CNOT1: variants seen among roughly 807,000 people sequenced by gnomAD.
The protein encoded by CNOT1 is CCR4-NOT transcription complex subunit 1.
Under a neutral mutation model 273.8 loss-of-function variants are expected in CNOT1, and 15 were observed. The observed-to-expected ratio is 0.05, with a 90% confidence interval of 0.04 to 0.08. The LOEUF (loss-of-function observed/expected upper bound fraction) is 0.08, where lower values mean the gene tolerates loss of function less well. Ranked by LOEUF, CNOT1 falls within the 10% of genes least tolerant of loss-of-function variation. The pLI is 1.00. For missense variants in CNOT1, 1,644 were observed against 2,912.2 expected (o/e 0.56, Z 10.02); for synonymous variants, 1,022 against 1,005.5 (o/e 1.02, Z -0.31).
At chr16:58,593,035 T>C (rs1424736473) in intron 2 of CNOT1, among the ~76,000 whole-genome samples, 2 of 152,288 alleles carry the variant, frequency 1.3e-5, no homozygotes, top group South Asian at 2.1e-4. Context: ...GAATAAATAA[T>C]TGGGTCAATT....
At chr16:58,542,662 A>C (rs889949654) in intron 31 of CNOT1, 94 bp from the exon 32 acceptor site, 1 of 1,503,800 alleles carries the variant, frequency 6.6e-7, no homozygotes, top group Admixed American at 2.2e-5. Flanking sequence ...AATGCAGTGC[A>C]TTTGGCAAAT....
chr16:58,532,471 C>A, intron 40 of CNOT1, 76 bp from the exon 41 acceptor site: 1 of 1,549,292 alleles, frequency 6.5e-7, no homozygotes, highest in Non-Finnish European at 8.7e-7. Flanking sequence ...GCTTTTTAAA[C>A]TTTGCATTCT....
chr16:58,570,600 A>G (rs1056939077), intron 16 of CNOT1, among the ~76,000 whole-genome samples: 1 of 152,256 alleles, frequency 6.6e-6, no homozygotes, highest in African/African-American at 2.4e-5. Flanking sequence ...CGTGGGCAAC[A>G]GAATGAAACC....
intron 1 of CNOT1, among the ~76,000 whole-genome samples, chr16:58,611,386 G>A (rs538200054): frequency 7.2e-5 from 11 of 151,872 alleles, no homozygotes; most frequent in East Asian, 5.8e-4. Flanking sequence ...CCGAGACCAC[G>A]CCACTGTACT....
intron 1 of CNOT1, among the ~76,000 whole-genome samples, chr16:58,604,117 T>C (rs1224541584): frequency 2.0e-5 from 3 of 152,156 alleles, no homozygotes; most frequent in Admixed American, 6.6e-5. Flanking sequence ...TACATGAGAA[T>C]AGACAATAAG....
chr16:58,545,615 GATGT>G, intron 29 of CNOT1, 124 bp from the exon 30 acceptor site: 136 of 1,041,188 alleles, frequency 1.3e-4, no homozygotes, highest in Non-Finnish European at 1.5e-4. Flanking sequence ...AGGAGGGAAG[GATGT>G]AGCAGGTCCT....
At chr16:58,623,637 G>A (rs2043440997) in intron 1 of CNOT1, among the ~76,000 whole-genome samples, 1 of 152,136 alleles carries the variant, frequency 6.6e-6, no homozygotes, top group South Asian at 2.1e-4. Context: ...AAGCTCCGCG[G>A]CCCTTACTTC....
intron 2 of CNOT1, among the ~76,000 whole-genome samples, chr16:58,597,113 A>AT (rs2042290413): frequency 6.8e-6 from 1 of 147,186 alleles, no homozygotes; most frequent in African/African-American, 2.5e-5. Flanking sequence ...AAAAAAAAAA[A>AT]GGACTAAGTA....
At chr16:58,627,638 C>A (rs2043641615) in intron 1 of CNOT1, among the ~76,000 whole-genome samples, 1 of 151,448 alleles carries the variant, frequency 6.6e-6, no homozygotes, top group Non-Finnish European at 1.5e-5. Flanking sequence ...AGGATCTAAA[C>A]CCCGAAGAGA....
chr16:58,623,677 A>G lies in CNOT1; in HGVS notation c.-175+6051T>C, dbSNP rs142319994. Among the ~76,000 whole-genome samples the G allele has an allele frequency of 4.0e-3, 611 of 152,220 alleles. 7 individuals are homozygous for G. Among genetic ancestry groups the G allele is most frequent in the East Asian group, 0.012 (64 of 5,176 alleles). On this transcript the variant is annotated intron_variant, in intron 1 of 48. Coordinates refer to ENST00000317147, the MANE Select transcript of CNOT1 (RefSeq NM_016284.5). ...ACGCACCTCCTCATCCATATCCTTT[A>G]TAATAAACTCTTGAACCTAAGTGTT...
intron 4 of CNOT1, 134 bp from the exon 5 acceptor site, chr16:58,587,547 T>C: frequency 6.2e-6 from 8 of 1,293,612 alleles, no homozygotes; most frequent in Non-Finnish European, 8.4e-6. Context: ...AACATTACAC[T>C]ATGTCCTAAA....
intron 1 of CNOT1, among the ~76,000 whole-genome samples, chr16:58,609,115 T>C (rs1255796364): frequency 6.6e-6 from 1 of 152,198 alleles, no homozygotes; most frequent in Non-Finnish European, 1.5e-5. Context: ...GGCTCATGCC[T>C]GTAATCCCAG....
intron 16 of CNOT1, among the ~76,000 whole-genome samples, chr16:58,571,281 C>T (rs528578811): frequency 1.3e-5 from 2 of 152,290 alleles, no homozygotes; most frequent in East Asian, 3.9e-4. Flanking sequence ...TAAGGCCGGG[C>T]ACGGTGGCTC....
chr16:58,608,921 G>A (rs546923898), intron 1 of CNOT1, among the ~76,000 whole-genome samples: 1 of 152,324 alleles, frequency 6.6e-6, no homozygotes, highest in Admixed American at 6.5e-5. Context: ...CTATGAGGAT[G>A]CAAAGGCGTA....
chr16:58,603,205 T>G (rs1044680176), intron 1 of CNOT1, among the ~76,000 whole-genome samples: 1 of 152,156 alleles, frequency 6.6e-6, no homozygotes, highest in East Asian at 1.9e-4. Flanking sequence ...ATTCTCAACA[T>G]AATGTCCAGA....
intron 3 of CNOT1, among the ~76,000 whole-genome samples, chr16:58,588,179 A>G (rs1336545317): frequency 1.3e-5 from 2 of 151,956 alleles, no homozygotes; most frequent in African/African-American, 4.8e-5. Context: ...GATGCCTATA[A>G]TCTCAGCTAC....
chr16:58,578,602 G>A (rs540238887), intron 13 of CNOT1, 97 bp downstream of exon 13: 1 of 1,488,384 alleles, frequency 6.7e-7, no homozygotes, highest in East Asian at 2.4e-5. Context: ...ATAATTCAGA[G>A]ATGTAAAAAA....
chr16:58,539,677 AG>A, intron 35 of CNOT1, 90 bp downstream of exon 35: 1 of 1,275,858 alleles, frequency 7.8e-7, no homozygotes, highest in Non-Finnish European at 1.0e-6. Context: ...TGAAATCTTA[AG>A]CATAACTGCA....
At chr16:58,529,804 G>GCACTC (rs3048056) in intron 43 of CNOT1, among the ~76,000 whole-genome samples, 33,252 of 132,482 alleles carry the variant, frequency 0.25, 4,426 homozygotes, top group East Asian at 0.4. Context: ...TCGCGCCACT[G>GCACTC]CACTCCAGCC....
Sources: allele counts gnomAD v4.1 joint callset (sites outside exome capture counted in the v4.1 genomes callset), GRCh38; gene constraint gnomAD v4.1.1; transcripts MANE v1.5; gene names NCBI Gene and HGNC (gene_info 2026-07-23, HGNC 2026-07-21).